DTHD1: variants seen among roughly 807,000 people sequenced by gnomAD.
The protein encoded by DTHD1 is death domain containing 1, also known as death domain-containing protein 1.
In DTHD1, 59 loss-of-function variants were observed where a neutral mutation model predicts 74.8. That is an observed-to-expected ratio of 0.79 (90% CI 0.64 to 0.98). The LOEUF is 0.98. Among genes scored for constraint, DTHD1 ranks in the 50% least tolerant of loss-of-function variants. The pLI, the probability that DTHD1 is intolerant of heterozygous loss-of-function variation, is 0.00. For missense variants in DTHD1, 1,051 were observed against 1,065.4 expected, an observed-to-expected ratio of 0.99 and a Z score of 0.19; for synonymous variants, 365 against 371.1, an observed-to-expected ratio of 0.98 and a Z score of 0.19.
Position 36,308,338 on chromosome 4 carries a change from T to C in DTHD1, c.1940T>C (p.Ile647Thr). Residue 647 changes from isoleucine (I) to threonine (T), a missense_variant, in exon 7 of 10, where the codon ATA (isoleucine) becomes ACA (threonine). Ile to Thr is a moderately conservative substitution (Grantham distance 89). Coordinates refer to ENST00000639862, the MANE Select transcript of DTHD1 (RefSeq NM_001170700.3). ...LSHQKDNPHR[I>T]AVLVVPSKDL... ...CACCAGAAGGACAATCCACATAGAA[T>C]AGCTGTTTTAGTGGTGCCTTCCAAA... is the stretch of plus-strand genomic sequence containing the variant. 6.4e-7 allele frequency: 1 copy of C among 1,551,874 alleles called. No individual in the cohort carries two copies. The highest frequency in any genetic ancestry group is 8.7e-7 in the Non-Finnish European group (1 of 1,147,020).
intron 5 of DTHD1, among the ~76,000 whole-genome samples, chr4:36,303,534 T>C (rs188243726): frequency 1.5e-4 from 23 of 152,340 alleles, no homozygotes; most frequent in African/African-American, 5.5e-4. Flanking sequence ...TCTGTGCCAA[T>C]TCCATTCTCT....
At position 36,306,228 on chromosome 4, in the gene DTHD1, G is replaced by A; in HGVS notation, c.1681G>A (p.Ala561Thr). The A allele has an allele frequency of 6.4e-7, 1 of 1,551,860 alleles. No homozygotes were observed. The change falls in exon 6 of 10, where the codon GCC becomes ACC. Residue 561 changes from alanine to threonine, a missense_variant. Transcript: ENST00000639862. ...CTCCATAAGAAAACCTAGGAAAAAT[G>A]CCAGTGAATGTTTGAAATTACTGGG... ...IASIRKPRKN[A>T]SECLKLLGFR... is the part of the protein sequence containing the mutation.
intron 3 of DTHD1, among the ~76,000 whole-genome samples, chr4:36,291,640 C>T (rs1180908196): frequency 6.6e-6 from 1 of 152,174 alleles, no homozygotes; most frequent in Non-Finnish European, 1.5e-5. Context: ...ACCAGCCTGA[C>T]TAACATGGAG....
chr4:36,331,930 G>A (rs986171906), intron 8 of DTHD1, among the ~76,000 whole-genome samples: 3 of 152,152 alleles, frequency 2.0e-5, no homozygotes, highest in African/African-American at 7.2e-5. Context: ...ATGACAAATG[G>A]CTATAGTATT....
chr4:36,325,903 C>A (rs1034174459), intron 8 of DTHD1, among the ~76,000 whole-genome samples: 2 of 152,174 alleles, frequency 1.3e-5, no homozygotes, highest in Non-Finnish European at 2.9e-5. Context: ...AGGCTGCCTT[C>A]CTCACAATTG....
At chr4:36,329,121 C>T (rs571560663) in intron 8 of DTHD1, among the ~76,000 whole-genome samples, 94 of 152,324 alleles carry the variant, frequency 6.2e-4, no homozygotes, top group Non-Finnish European at 9.3e-4. Flanking sequence ...GTTTTCCTTA[C>T]GTCCACCACT....
intron 8 of DTHD1, among the ~76,000 whole-genome samples, chr4:36,316,934 C>T (rs1757772815): frequency 1.3e-5 from 2 of 152,192 alleles, no homozygotes; most frequent in African/African-American, 4.8e-5. Context: ...AAAATTCTTA[C>T]TCATGTCAGA....
chr4:36,296,787 C>G (rs1043777951), intron 5 of DTHD1, among the ~76,000 whole-genome samples: 1 of 151,778 alleles, frequency 6.6e-6, no homozygotes, highest in Non-Finnish European at 1.5e-5. Context: ...TTCCAATCTG[C>G]TTCATTGTTT....
At chr4:36,299,663 C>T (rs1756644833) in intron 5 of DTHD1, among the ~76,000 whole-genome samples, 1 of 152,150 alleles carries the variant, frequency 6.6e-6, no homozygotes, top group Non-Finnish European at 1.5e-5. Context: ...GTATATATGA[C>T]CACCTCTTTT....
intron 5 of DTHD1, among the ~76,000 whole-genome samples, chr4:36,304,546 T>C (rs1002920251): frequency 6.6e-6 from 1 of 152,116 alleles, no homozygotes; most frequent in Non-Finnish European, 1.5e-5. Context: ...AAAACTAGAG[T>C]GTAACTCTAG....
chr4:36,296,669 C>T (rs1306789915), intron 5 of DTHD1, among the ~76,000 whole-genome samples: 1 of 151,790 alleles, frequency 6.6e-6, no homozygotes. Flanking sequence ...ATATGATGTG[C>T]TTGGGTAATT....
At chr4:36,310,612 A>C (rs1204151539) in intron 7 of DTHD1, among the ~76,000 whole-genome samples, 1 of 152,136 alleles carries the variant, frequency 6.6e-6, no homozygotes, top group Non-Finnish European at 1.5e-5. Context: ...ATTTAATTTT[A>C]TTATGCCTAT....
chr4:36,323,681 T>C (rs6855771), intron 8 of DTHD1, among the ~76,000 whole-genome samples: 100,791 of 151,206 alleles, frequency 0.67, 33,918 homozygotes, highest in African/African-American at 0.71. Context: ...TTTGAGGGAA[T>C]AGTGCCCACA....
At chr4:36,341,294 G>T (rs1009887050) in intron 9 of DTHD1, among the ~76,000 whole-genome samples, 3 of 152,180 alleles carry the variant, frequency 2.0e-5, no homozygotes, top group African/African-American at 7.2e-5. Context: ...TGGTGAGGAG[G>T]AGATTAAGGG....
chr4:36,332,187 AAAAATAAAATAAAATAAAATAAAAT>A (rs11269624), intron 8 of DTHD1, among the ~76,000 whole-genome samples: 2,676 of 139,810 alleles, frequency 0.019, 58 homozygotes, highest in Middle Eastern at 0.057. Flanking sequence ...CACTGTCTCA[AAAAATAAAATAAAATAAAATAAAAT>A]AAAATAAAAT....
At chr4:36,296,363 A>G (rs889681893) in intron 5 of DTHD1, among the ~76,000 whole-genome samples, 1 of 152,174 alleles carries the variant, frequency 6.6e-6, no homozygotes, top group South Asian at 2.1e-4. Flanking sequence ...ACTTAATAAG[A>G]TTCAAGATAT....
chr4:36,333,997 TTAC>T (rs1461347345), intron 8 of DTHD1: 1 of 152,246 alleles, frequency 6.6e-6, no homozygotes. Flanking sequence ...AATATTTTTA[TTAC>T]TACATCCCTA....
At position 36,282,283 on chromosome 4, in the gene DTHD1, G is replaced by A. The variant is rs552373122; in HGVS notation, c.271+254G>A. ...GTTTAAATCCCATCTGTAGGGTGGG[G>A]AATTGAGAAGTTTGCTAGAAAAATG... On this transcript the variant is annotated intron_variant, in intron 1 of 9. Coordinates refer to ENST00000639862, the MANE Select transcript of DTHD1 (RefSeq NM_001170700.3). Among the ~76,000 whole-genome samples, 48 of 152,272 alleles carry A rather than the reference G, an allele frequency of 3.2e-4. No individual in the cohort carries two copies. The South Asian group carries it at 8.7e-3, about 28-fold the overall frequency.
chr4:36,343,591 C>A lies in DTHD1; in HGVS notation c.2488C>A (p.Arg830Ser), dbSNP rs376760844. The part of the protein sequence containing the change: ...ESLSSTLPLR[R>S]STIQLIKLKN... ...TCTTTCCTCAACTCTCCCTCTGCGC[C>A]GTAGCACCATTCAGCTCATCAAACT... The change falls in exon 10 of 10, where the codon CGT (arginine) becomes AGT (serine). Residue 830 changes from arginine to serine, a missense_variant. Arg to Ser is a moderately radical substitution (Grantham distance 110, BLOSUM62 -1). Transcript: ENST00000639862. 1 of 1,551,616 alleles carries A rather than the reference C, an allele frequency of 6.4e-7. No homozygotes were observed. The highest frequency in any genetic ancestry group is 1.2e-5 in the South Asian group (1 of 84,054).
Sources: allele counts gnomAD v4.1 joint callset (sites outside exome capture counted in the v4.1 genomes callset), GRCh38; gene constraint gnomAD v4.1.1; transcripts MANE v1.5; gene names NCBI Gene and HGNC (gene_info 2026-07-23, HGNC 2026-07-21).